Variants in DNAH17 observed in about 807,000 individuals in gnomAD.
The protein encoded by DNAH17 is axonemal beta dynein heavy chain 17.
A neutral mutation model predicts 485.6 loss-of-function variants in DNAH17; 376 were observed. The observed-to-expected ratio is 0.77, with a 90% CI of 0.71 to 0.84. The LOEUF is 0.84. Ranked by LOEUF, DNAH17 falls within the 40% of genes least tolerant of loss-of-function variation. The pLI is 0.00. For missense variants in DNAH17, 6,370 were observed against 5,839.3 expected, an observed-to-expected ratio of 1.09 and a Z score of -2.96; for synonymous variants, 3,031 against 2,405.9, an observed-to-expected ratio of 1.26 and a Z score of -7.60.
In DNAH17 at chr17:78,475,651, C is replaced by T; in HGVS notation, c.8319+18G>A. 6.2e-7 allele frequency: 1 copy of T among 1,612,154 alleles called. No individual in the cohort carries two copies. The highest frequency in any genetic ancestry group is 8.5e-7 in the Non-Finnish European group (1 of 1,178,944). ...GGTCCAGGTCCCGTGCCCTTGCTATCAGCTCCAGCCTGCTCACCAAATTCA... is the reference window on the plus strand; with the variant it reads ...GGTCCAGGTCCCGTGCCCTTGCTATTAGCTCCAGCCTGCTCACCAAATTCA... On this transcript the variant is annotated intron_variant, in intron 53 of 80. Coordinates refer to ENST00000389840, the MANE Select transcript of DNAH17 (RefSeq NM_173628.4).
chr17:78,460,376 GTA>G (rs1213900203), intron 58 of DNAH17, 119 bp from the exon 59 acceptor site: 8 of 339,464 alleles, frequency 2.4e-5, no homozygotes, highest in Admixed American at 4.7e-5. Flanking sequence ...GTGCATGAGT[GTA>G]TGTGTGCATA....
At chr17:78,469,393 G>A (rs1030449274) in intron 54 of DNAH17, among the ~76,000 whole-genome samples, 33 of 152,192 alleles carry the variant, frequency 2.2e-4, no homozygotes, top group East Asian at 1.5e-3. Context: ...CACCCGCCTC[G>A]GCCTCCCAAA....
In DNAH17 at chr17:78,510,409, G is replaced by A. The variant is rs1342824813; in HGVS notation, c.4211C>T (p.Ala1404Val). 1.9e-6 allele frequency: 3 copies of A among 1,613,328 alleles called. No individual in the cohort carries two copies. Among genetic ancestry groups the A allele is most frequent in the Non-Finnish European group, 2.5e-6 (3 of 1,179,708 alleles). Residue 1404 changes from alanine (A) to valine (V), a missense_variant, in exon 27 of 81, where the codon GCC becomes GTC. Transcript: ENST00000389840. Reference sequence around the variant, plus strand: ...CTTTTCCATGCCCGACTCCTTCACGGCCTTGTCCACGATGTTGCGGACCTC... The same window carrying A: ...CTTTTCCATGCCCGACTCCTTCACGACCTTGTCCACGATGTTGCGGACCTC... ...EDEVRNIVDK[A>V]VKESGMEKVL...
intron 31 of DNAH17, 109 bp from the exon 32 acceptor site, chr17:78,503,120 C>A: frequency 7.3e-7 from 1 of 1,370,552 alleles, no homozygotes; most frequent in Non-Finnish European, 9.6e-7. Context: ...CATCCTCATC[C>A]CAGGGGCAGA....
At chr17:78,537,188 A>AAG in intron 19 of DNAH17, 111 bp downstream of exon 19, 3 of 1,157,540 alleles carry the variant, frequency 2.6e-6, no homozygotes, top group African/African-American at 5.9e-5. Flanking sequence ...AAAAAAAAAA[A>AAG]AAGAAAAAAA....
intron 73 of DNAH17, 53 bp downstream of exon 73, chr17:78,439,037 T>C (rs2086965765): frequency 3.2e-6 from 5 of 1,585,458 alleles, no homozygotes; most frequent in Non-Finnish European, 4.3e-6. Context: ...CCCATCCCCA[T>C]TGGCCACCTC....
chr17:78,532,390 A>G lies in DNAH17; in HGVS notation c.3114+92T>C, dbSNP rs143024167. ...GCCCTACCTGGAAACCTGCATCTTA[A>G]AACAATTCACCCAAGTTTTAAAGCA... is the stretch of plus-strand genomic sequence containing the variant. On this transcript the variant is annotated intron_variant, in intron 20 of 80. Transcript: ENST00000389840. 4.4e-4 allele frequency: 644 copies of G among 1,468,384 alleles called. 2 individuals carry two copies. Among genetic ancestry groups the G allele is most frequent in the Non-Finnish European group, 1.3e-4 (149 of 1,107,282 alleles). 91.0% of individuals were successfully genotyped at this position (1,468,384 alleles called of 1,614,324 possible). A position where few individuals can be genotyped will look rare whatever the true frequency, so the allele number is the denominator to read the frequency against.
In DNAH17 at chr17:78,514,935, T is replaced by C; in HGVS notation, c.3952A>G (p.Lys1318Glu). ...QMDIDCKKFA[K>E]DMRSLDKEMK... ...TCCTTGTCCAAAGACCTCATGTCCT[T>C]GGCAAACTTCTTACAATCTATGTCC... The change falls in exon 26 of 81, where the codon AAG (lysine) becomes GAG (glutamate). Residue 1318 changes from lysine (K) to glutamate (E), a missense_variant. Physicochemically the swap from Lys to Glu is moderately conservative, Grantham distance 56. Coordinates refer to ENST00000389840, the MANE Select transcript of DNAH17 (RefSeq NM_173628.4). The C allele has an allele frequency of 6.2e-7, 1 of 1,614,052 alleles. No homozygotes were observed. Among genetic ancestry groups the C allele is most frequent in the Non-Finnish European group, 8.5e-7 (1 of 1,179,906 alleles).
chr17:78,562,189 A>G (rs1490724009), intron 11 of DNAH17, among the ~76,000 whole-genome samples: 4 of 152,186 alleles, frequency 2.6e-5, no homozygotes, highest in Admixed American at 6.5e-5. Context: ...CGAGTCCCCA[A>G]ATACTTGGCT....
chr17:78,444,563 G>A (rs1195431531), intron 71 of DNAH17, 41 bp downstream of exon 71: 53 of 1,514,570 alleles, frequency 3.5e-5, no homozygotes, highest in Non-Finnish European at 4.5e-5. Context: ...CATCAGGCCT[G>A]GGCCTCGGGG....
At chr17:78,454,379 G>T in intron 64 of DNAH17, 91 bp downstream of exon 64, 1 of 973,708 alleles carries the variant, frequency 1.0e-6, no homozygotes, top group Non-Finnish European at 1.5e-6. Flanking sequence ...TGTATTGAAA[G>T]ACCCACCCAT....
At chr17:78,425,071 C>T (rs1439805147) in intron 80 of DNAH17, 2 of 339,706 alleles carry the variant, frequency 5.9e-6, no homozygotes, top group Non-Finnish European at 5.4e-6. Context: ...CGGAGCTGCT[C>T]TCTCACAAGC....
chr17:78,532,574 A>G lies in DNAH17; in HGVS notation c.3022T>C (p.Tyr1008His), dbSNP rs373410303. The G allele has an allele frequency of 3.0e-5, 48 of 1,609,606 alleles. No individual in the cohort carries two copies. Among genetic ancestry groups the G allele is most frequent in the African/African-American group, 2.5e-4 (19 of 74,954 alleles). The change falls in exon 20 of 81, where the codon TAT becomes CAT. Residue 1008 changes from tyrosine to histidine, a missense_variant. Physicochemically the swap from Tyr to His is moderately conservative, Grantham distance 83 (BLOSUM62 2). Coordinates refer to ENST00000389840, the MANE Select transcript of DNAH17 (RefSeq NM_173628.4). ...TCCTCCGCAGTGACTGCACACCCATATATCAGGAAATTCTTCATAAACTCC... is the reference window on the plus strand; with the variant it reads ...TCCTCCGCAGTGACTGCACACCCATGTATCAGGAAATTCTTCATAAACTCC... ...LQEFMKNFLI[Y>H]GCAVTAEDLD...
chr17:78,433,651 C>T (rs934221603), intron 75 of DNAH17, among the ~76,000 whole-genome samples: 1 of 152,096 alleles, frequency 6.6e-6, no homozygotes, highest in African/African-American at 2.4e-5. Flanking sequence ...TTGTCCTCCC[C>T]ACTGAGTCCC....
rs2088135797 is a variant in DNAH17 at position 78,461,697 on chromosome 17, C to G, written c.9186G>C (p.Leu3062Phe). The G allele has an allele frequency of 6.2e-7, 1 of 1,610,054 alleles. No individual in the cohort carries two copies. The highest frequency in any genetic ancestry group is 8.5e-7 in the Non-Finnish European group (1 of 1,178,468). ...LQSTASQVDD[L>F]KAKLAIQEAE... Reference sequence around the variant, plus strand: ...CCTCCTGAATCGCCAACTTGGCTTTCAAATCATCCACCTGGGGAAGGAGAA... The same window carrying G: ...CCTCCTGAATCGCCAACTTGGCTTTGAAATCATCCACCTGGGGAAGGAGAA... Residue 3062 changes from leucine to phenylalanine, a missense_variant, in exon 58 of 81, where the codon TTG (leucine) becomes TTC (phenylalanine). Physicochemically the swap from Leu to Phe is conservative, Grantham distance 22. Coordinates refer to ENST00000389840, the MANE Select transcript of DNAH17 (RefSeq NM_173628.4).
chr17:78,533,535 G>C (rs556331755), intron 19 of DNAH17, among the ~76,000 whole-genome samples: 1 of 152,144 alleles, frequency 6.6e-6, no homozygotes, highest in Admixed American at 6.6e-5. Context: ...AGTGCTATAC[G>C]GATCTTTTTA....
chr17:78,551,617 T>A lies in DNAH17; in HGVS notation c.2309A>T (p.Glu770Val), dbSNP rs745339202. 6.2e-7 allele frequency: 1 copy of A among 1,613,978 alleles called. No individual in the cohort carries two copies. The highest frequency in any genetic ancestry group is 8.5e-7 in the Non-Finnish European group (1 of 1,179,880). ...NGEGVFQYIQ[E>V]VREILHNLQN... is the part of the protein sequence containing the mutation. Reference sequence around the variant, plus strand: ...CAAGTTGTGCAGAATTTCTCGCACCTCTTGAATGTACTGAAACACACCTAA... The same window carrying A: ...CAAGTTGTGCAGAATTTCTCGCACCACTTGAATGTACTGAAACACACCTAA... The change falls in exon 16 of 81, where the codon GAG (glutamate) becomes GTG (valine). Residue 770 changes from glutamate (E) to valine (V), a missense_variant. Glu to Val is a moderately radical substitution (Grantham distance 121). Coordinates refer to ENST00000389840, the MANE Select transcript of DNAH17 (RefSeq NM_173628.4).
At chr17:78,510,706 A>G (rs566688992) in intron 26 of DNAH17, 200 bp from the exon 27 acceptor site, 5 of 647,314 alleles carry the variant, frequency 7.7e-6, no homozygotes, top group Middle Eastern at 4.4e-4. Flanking sequence ...CCTTCCCTGT[A>G]AAACCGCATA....
At position 78,475,408 on chromosome 17, in the gene DNAH17, C is replaced by T. The variant is rs187009220; in HGVS notation, c.8381G>A (p.Arg2794Gln). The change falls in exon 54 of 81, where the codon CGG (arginine) becomes CAG (glutamine). Residue 2794 changes from arginine to glutamine, a missense_variant. Arg to Gln is a conservative substitution (Grantham distance 43). Coordinates refer to ENST00000389840, the MANE Select transcript of DNAH17 (RefSeq NM_173628.4). ...CRINRILESP[R>Q]GNALLVGVGG... ...CACCCCCACCAGCAGGGCATTCCCCCGGGGAGACTCCAGGATGCGATTAAT... is the reference window on the plus strand; with the variant it reads ...CACCCCCACCAGCAGGGCATTCCCCTGGGGAGACTCCAGGATGCGATTAAT... 54 of 1,613,912 alleles carry T rather than the reference C, an allele frequency of 3.3e-5. No individual in the cohort carries two copies. The highest frequency in any genetic ancestry group is 1.3e-4 in the South Asian group (12 of 91,078).
Sources: allele counts gnomAD v4.1 joint callset (sites outside exome capture counted in the v4.1 genomes callset), GRCh38; gene constraint gnomAD v4.1.1; transcripts MANE v1.5; gene names NCBI Gene and HGNC (gene_info 2026-07-23, HGNC 2026-07-21).